The following BCAS3 variants were observed in gnomAD, a reference collection of about 807,000 sequenced individuals.
The protein encoded by BCAS3 is BCAS4/BCAS3 fusion.
In BCAS3, 53 loss-of-function variants were observed where a neutral mutation model predicts 116.1. That is an observed-to-expected ratio of 0.46 (90% CI 0.37 to 0.57). The LOEUF (loss-of-function observed/expected upper bound fraction) is 0.57, where lower values mean the gene tolerates loss of function less well. BCAS3 is among the 20% of genes least tolerant of loss of function. The probability of loss-of-function intolerance (pLI) is 0.00; values close to 1 mark genes in which losing one functional copy is unlikely to be tolerated. For missense variants in BCAS3, 917 were observed against 1,165.4 expected (o/e 0.79, Z 3.10); for synonymous variants, 391 against 408.2 (o/e 0.96, Z 0.51).
chr17:60,686,425 T>C (rs964455618), intron 3 of BCAS3, among the ~76,000 whole-genome samples: 13 of 150,622 alleles, frequency 8.6e-5, no homozygotes, highest in Non-Finnish European at 1.8e-4. Flanking sequence ...GCAGCTTCTT[T>C]AGTTATCACT....
At chr17:61,335,086 A>G (rs2056616268) in intron 22 of BCAS3, among the ~76,000 whole-genome samples, 1 of 152,200 alleles carries the variant, frequency 6.6e-6, no homozygotes, top group African/African-American at 2.4e-5. Flanking sequence ...TCACTGCCCC[A>G]GCTTTCAGCC....
intron 4 of BCAS3, among the ~76,000 whole-genome samples, chr17:60,698,680 G>A (rs2035966553): frequency 6.6e-6 from 1 of 152,296 alleles, no homozygotes; most frequent in Non-Finnish European, 1.5e-5. Context: ...AAAGCCCTAA[G>A]ATTTCTCATT....
In BCAS3 at chr17:61,348,335, T is replaced by C. The variant is rs2057628296; in HGVS notation, c.2426-19992T>C. On this transcript the variant is annotated intron_variant, in intron 22 of 23. Transcript: ENST00000407086. The surrounding 1 kb of genome is among the most constrained non-coding windows in gnomAD (Gnocchi z 4.5). ...TGGGAGATGTTGAGTTGGAGGTGCC[T>C]GTGGAACATCCAAGTGAGGGTGCTT... Among the ~76,000 whole-genome samples, 1 of 152,170 alleles carries C rather than the reference T, an allele frequency of 6.6e-6. No homozygotes were observed. The highest frequency in any genetic ancestry group is 2.4e-5 in the African/African-American group (1 of 41,438).
At chr17:60,886,774 G>A (rs2056682441) in intron 9 of BCAS3, among the ~76,000 whole-genome samples, 2 of 152,136 alleles carry the variant, frequency 1.3e-5, no homozygotes, top group South Asian at 2.1e-4. Context: ...AGGAGTCAGG[G>A]ACCCACTTGA....
chr17:60,690,839 G>A (rs2034711372), intron 4 of BCAS3, among the ~76,000 whole-genome samples: 3 of 151,664 alleles, frequency 2.0e-5, no homozygotes, highest in Admixed American at 6.6e-5. Context: ...AGAATCGCTT[G>A]AACCCAGGAG....
chr17:60,975,539 T>C (rs1219453555), intron 14 of BCAS3, among the ~76,000 whole-genome samples: 1 of 152,216 alleles, frequency 6.6e-6, no homozygotes, highest in Non-Finnish European at 1.5e-5. Context: ...ATGACAGATT[T>C]GTTGAGGTAT....
chr17:61,353,800 G>A (rs536484614), intron 22 of BCAS3: 2 of 152,398 alleles, frequency 1.3e-5, no homozygotes, highest in South Asian at 4.1e-4. Flanking sequence ...GGCTGGCGAG[G>A]GCTGAACAGA....
chr17:60,890,369 G>T (rs1482055924), intron 10 of BCAS3, among the ~76,000 whole-genome samples: 1 of 152,106 alleles, frequency 6.6e-6, no homozygotes, highest in Non-Finnish European at 1.5e-5. Context: ...CAGGAGAATT[G>T]CTTGAGCCTG....
intron 22 of BCAS3, among the ~76,000 whole-genome samples, chr17:61,173,975 A>G (rs1457615487): frequency 6.6e-6 from 1 of 152,200 alleles, no homozygotes; most frequent in Non-Finnish European, 1.5e-5. Flanking sequence ...TTTAACACCA[A>G]TACTATAATC....
chr17:60,759,037 G>A (rs1021499728), intron 6 of BCAS3, among the ~76,000 whole-genome samples: 2 of 149,824 alleles, frequency 1.3e-5, no homozygotes, highest in African/African-American at 4.9e-5. Flanking sequence ...GCAGTGGCAC[G>A]ATCTCGACTC....
In BCAS3 at chr17:61,230,142, T is replaced by TAC. The variant is rs58423435; in HGVS notation, c.2426-138153_2426-138152dup. Among the ~76,000 whole-genome samples, 954 of 150,040 alleles carry TAC rather than the reference T, an allele frequency of 6.4e-3. 16 individuals carry two copies. Among genetic ancestry groups the TAC allele is most frequent in the South Asian group, 0.053 (253 of 4,746 alleles). ...TCTGTCTCAAAAAAAAGTGTGTGTA[T>TAC]ACACACACACACACACACACACACA... On this transcript the variant is annotated intron_variant, in intron 22 of 23. Transcript: ENST00000407086.
chr17:60,712,591 G>A (rs1452324514), intron 5 of BCAS3, among the ~76,000 whole-genome samples: 1 of 152,140 alleles, frequency 6.6e-6, no homozygotes, highest in Admixed American at 6.6e-5. Context: ...TGATCTAAGA[G>A]CTATACTTCA....
At chr17:60,824,743 T>C (rs893308705) in intron 7 of BCAS3, among the ~76,000 whole-genome samples, 1 of 152,358 alleles carries the variant, frequency 6.6e-6, no homozygotes, top group Middle Eastern at 3.4e-3. Flanking sequence ...TAGTGGTGTT[T>C]CTGTTTTCTA....
chr17:60,904,913 A>G (rs965699844), intron 11 of BCAS3, among the ~76,000 whole-genome samples: 1 of 152,224 alleles, frequency 6.6e-6, no homozygotes, highest in Admixed American at 6.5e-5. Flanking sequence ...TTAAGAATAA[A>G]CAATGGCAAT....
rs895002974 is a variant in BCAS3, at chr17:61,380,804, A to G, written c.2594-11173A>G. Among the ~76,000 whole-genome samples, 1 of 152,176 alleles carries G rather than the reference A, an allele frequency of 6.6e-6. No individual in the cohort carries two copies. The highest frequency in any genetic ancestry group is 6.5e-5 in the Admixed American group (1 of 15,284). The stretch of plus-strand genomic sequence containing the variant: ...TTGAGAACGCCACTCCCTGCCCCCC[A>G]CTTTGAAGATGGAAGTGAAATTTTC... On this transcript the variant is annotated intron_variant, in intron 23 of 23. Coordinates refer to ENST00000407086, the MANE Select transcript of BCAS3 (RefSeq NM_017679.5). The surrounding 1 kb of genome is among the most constrained non-coding windows in gnomAD (Gnocchi z 4.2).
chr17:60,791,643 G>C (rs1240334548), intron 6 of BCAS3, among the ~76,000 whole-genome samples: 1 of 152,050 alleles, frequency 6.6e-6, no homozygotes, highest in Non-Finnish European at 1.5e-5. Flanking sequence ...CCCCATCTCT[G>C]AAAAACAGAC....
At chr17:61,099,747 A>T (rs918527456) in intron 22 of BCAS3, among the ~76,000 whole-genome samples, 2 of 152,204 alleles carry the variant, frequency 1.3e-5, no homozygotes, top group Non-Finnish European at 2.9e-5. Flanking sequence ...CAGGACTGGT[A>T]AACATCTGTT....
chr17:61,291,864 C>T (rs1300669361), intron 22 of BCAS3, among the ~76,000 whole-genome samples: 3 of 152,058 alleles, frequency 2.0e-5, no homozygotes, highest in African/African-American at 7.2e-5. Flanking sequence ...TGCTGTGAGT[C>T]AGTCCAGAGC....
chr17:60,723,787 C>T (rs1231074744), intron 5 of BCAS3, among the ~76,000 whole-genome samples: 5 of 134,384 alleles, frequency 3.7e-5, no homozygotes, highest in African/African-American at 5.6e-5. Context: ...GGTGCGATCT[C>T]GGCTCATTGC....
Sources: gnomAD v4.1 joint callset for allele counts (sites outside exome capture counted in the v4.1 genomes callset) on GRCh38, gnomAD v4.1.1 for gene constraint, Gnocchi (gnomAD v3.1) non-coding constraint, MANE v1.5 for transcripts, NCBI Gene and HGNC (gene_info 2026-07-23, HGNC 2026-07-21) for gene names.